Variants in MAML2 observed in about 807,000 individuals in gnomAD.
MAML2 encodes mastermind-like protein 2.
Under a neutral mutation model 96.1 loss-of-function variants are expected in MAML2, and 22 were observed. The observed-to-expected ratio is 0.23, with a 90% CI of 0.16 to 0.33. MAML2 has a LOEUF of 0.33. Ranked by LOEUF, MAML2 falls within the 10% of genes least tolerant of loss-of-function variation. The probability of loss-of-function intolerance (pLI) is 1.00; values close to 1 mark genes in which losing one functional copy is unlikely to be tolerated. For synonymous variants in MAML2, 561 were observed against 521.3 expected (o/e 1.08, Z -1.04); for missense variants, 1,367 against 1,392.4 (o/e 0.98, Z 0.29).
At chr11:96,199,340 A>C (rs1030865018) in intron 1 of MAML2, among the ~76,000 whole-genome samples, 4 of 152,106 alleles carry the variant, frequency 2.6e-5, no homozygotes, top group African/African-American at 9.7e-5. Context: ...GCAGAACCGC[A>C]GAAGAGACGG....
At chr11:96,193,471 T>TTGG (rs1367046524) in intron 1 of MAML2, among the ~76,000 whole-genome samples, 1 of 152,232 alleles carries the variant, frequency 6.6e-6, no homozygotes, top group East Asian at 1.9e-4. Context: ...CAATCTCTAC[T>TTGG]TGGCAGAACA....
intron 2 of MAML2, among the ~76,000 whole-genome samples, chr11:96,006,319 A>G (rs1341296182): frequency 6.6e-6 from 1 of 152,202 alleles, no homozygotes; most frequent in Non-Finnish European, 1.5e-5. Context: ...ACACATTTTG[A>G]TCTGCAGGGT....
chr11:96,190,084 A>T (rs181931352), intron 1 of MAML2, among the ~76,000 whole-genome samples: 2 of 152,368 alleles, frequency 1.3e-5, no homozygotes, highest in African/African-American at 4.8e-5. Flanking sequence ...ATGGATGAAG[A>T]CATGTTAATA....
chr11:96,103,642 A>G (rs547500628), intron 1 of MAML2, among the ~76,000 whole-genome samples: 7 of 152,248 alleles, frequency 4.6e-5, no homozygotes, highest in South Asian at 2.1e-4. Flanking sequence ...CCCAACATCA[A>G]TGGGTATGAA....
At chr11:96,311,450 T>C (rs746731147) in intron 1 of MAML2, among the ~76,000 whole-genome samples, 2 of 152,208 alleles carry the variant, frequency 1.3e-5, no homozygotes, top group Non-Finnish European at 2.9e-5. Context: ...TCCTGAAATA[T>C]GAATGCACAA....
intron 1 of MAML2, among the ~76,000 whole-genome samples, chr11:96,313,373 C>A (rs1333003358): frequency 6.6e-6 from 1 of 152,182 alleles, no homozygotes; most frequent in African/African-American, 2.4e-5. Flanking sequence ...GCTCTCCGGG[C>A]CATTCTGAGG....
chr11:96,020,808 T>C lies in MAML2; in HGVS notation c.2140-29085A>G, dbSNP rs116536854. 5.5e-3 allele frequency among the ~76,000 whole-genome samples: 845 copies of C among 152,270 alleles called. 7 individuals carry two copies. The highest frequency in any genetic ancestry group is 0.02 in the African/African-American group (820 of 41,554). On this transcript the variant is annotated intron_variant, in intron 2 of 4. Transcript: ENST00000524717. ...GTGGCAGAGTGTAAGGAAGAAAATT[T>C]TGGTCAGAATGAGAGAGACAGAATG... is the stretch of plus-strand genomic sequence containing the variant.
At chr11:96,067,343 T>C (rs1022449107) in intron 2 of MAML2, among the ~76,000 whole-genome samples, 4 of 152,254 alleles carry the variant, frequency 2.6e-5, no homozygotes, top group Admixed American at 1.3e-4. Context: ...CCTTTCAAAA[T>C]GCCTTCTTCC....
At chr11:95,983,538 A>C (rs1043992482) in intron 4 of MAML2, among the ~76,000 whole-genome samples, 1 of 152,334 alleles carries the variant, frequency 6.6e-6, no homozygotes, top group Non-Finnish European at 1.5e-5. Context: ...ATGTTTTCAA[A>C]TACCAAGAAG....
At chr11:96,297,416 A>G (rs1197370412) in intron 1 of MAML2, among the ~76,000 whole-genome samples, 2 of 152,062 alleles carry the variant, frequency 1.3e-5, no homozygotes, top group African/African-American at 4.8e-5. Context: ...CTCTACTAAA[A>G]ATACAAAAAT....
At position 96,093,019 on chromosome 11, in the gene MAML2, C is replaced by A; in HGVS notation, c.1012G>T (p.Asp338Tyr). Reference protein sequence around the residue: ...NMINATIKQDDPFNIDLGQQS... With the variant: ...NMINATIKQDYPFNIDLGQQS... Reference sequence around the variant, plus strand: ...TGACCCAAGTCAATGTTAAATGGGTCATCCTGCTTTATGGTGGCATTGATC... The same window carrying A: ...TGACCCAAGTCAATGTTAAATGGGTAATCCTGCTTTATGGTGGCATTGATC... The change falls in exon 2 of 5, where the codon GAC (aspartate) becomes TAC (tyrosine). Residue 338 changes from aspartate to tyrosine, a missense_variant. Asp to Tyr is a radical substitution (Grantham distance 160, BLOSUM62 -3). Transcript: ENST00000524717. The A allele has an allele frequency of 6.2e-7, 1 of 1,613,966 alleles. No homozygotes were observed. The highest frequency in any genetic ancestry group is 1.1e-5 in the South Asian group (1 of 91,042).
chr11:96,140,139 G>C (rs1017082985), intron 1 of MAML2, among the ~76,000 whole-genome samples: 5 of 152,122 alleles, frequency 3.3e-5, no homozygotes, highest in Non-Finnish European at 7.4e-5. Context: ...CTTTTGTTTT[G>C]TTATTAGTGC....
At chr11:96,213,519 T>C (rs923479578) in intron 1 of MAML2, among the ~76,000 whole-genome samples, 1 of 152,202 alleles carries the variant, frequency 6.6e-6, no homozygotes, top group African/African-American at 2.4e-5. Context: ...CTAGAAATCA[T>C]AGCATCCCAT....
chr11:96,129,348 T>C (rs1179655145), intron 1 of MAML2, among the ~76,000 whole-genome samples: 1 of 152,242 alleles, frequency 6.6e-6, no homozygotes, highest in East Asian at 1.9e-4. Context: ...TGCTGGGCTC[T>C]ACCTCTAGAG....
At chr11:96,260,890 G>A (rs189244910) in intron 1 of MAML2, among the ~76,000 whole-genome samples, 35 of 151,516 alleles carry the variant, frequency 2.3e-4, no homozygotes, top group South Asian at 8.3e-4. Flanking sequence ...GTTTTGTTTC[G>A]TTTTTTGGGG....
At chr11:96,212,108 AGTGTGT>A (rs72133828) in intron 1 of MAML2, among the ~76,000 whole-genome samples, 36,224 of 133,998 alleles carry the variant, frequency 0.27, 5,397 homozygotes, top group Middle Eastern at 0.44. Context: ...AGGAAGACAA[AGTGTGT>A]GTGTGTGTGT....
rs1168466964 is a variant in MAML2 at position 96,091,520 on chromosome 11, T to A, written c.2139+372A>T. Among the ~76,000 whole-genome samples the A allele has an allele frequency of 2.6e-5, 4 of 152,130 alleles. 1 individual carries two copies. Among genetic ancestry groups the A allele is most frequent in the African/African-American group, 4.8e-5 (2 of 41,426 alleles). On this transcript the variant is annotated intron_variant, in intron 2 of 4. Transcript: ENST00000524717. ...TTCAATACTCAGCATAATAACAACA[T>A]CTTGCACATGGTAGGTACTCAGCAA...
chr11:96,228,864 T>C (rs1232753162), intron 1 of MAML2, among the ~76,000 whole-genome samples: 2 of 152,210 alleles, frequency 1.3e-5, no homozygotes, highest in African/African-American at 4.8e-5. Flanking sequence ...TTGAGAGCAC[T>C]AGGCTCTCCT....
At chr11:96,264,163 G>A (rs1225838114) in intron 1 of MAML2, among the ~76,000 whole-genome samples, 1 of 152,134 alleles carries the variant, frequency 6.6e-6, no homozygotes, top group African/African-American at 2.4e-5. Flanking sequence ...ACCTAACTGG[G>A]GGAGCCTAGC....
Sources: allele counts gnomAD v4.1 joint callset (sites outside exome capture counted in the v4.1 genomes callset), GRCh38; gene constraint gnomAD v4.1.1; transcripts MANE v1.5; gene names NCBI Gene and HGNC (gene_info 2026-07-23, HGNC 2026-07-21).